SLC23A2: variants seen among roughly 807,000 people sequenced by gnomAD.
SLC23A2 encodes solute carrier family 23 member 2.
Under a neutral mutation model 73.3 loss-of-function variants are expected in SLC23A2, and 36 were observed. The ratio of observed to expected loss-of-function variants is 0.49; its 90% confidence interval spans 0.38 to 0.65. SLC23A2 has a LOEUF of 0.65. SLC23A2 is among the 30% of genes least tolerant of loss of function. The pLI is 0.00. For synonymous variants in SLC23A2, 343 were observed against 327.3 expected (o/e 1.05, Z -0.52); for missense variants, 507 against 841.6 (o/e 0.60, Z 4.92).
chr20:4,893,808 A>C (rs1181305688), intron 6 of SLC23A2, among the ~76,000 whole-genome samples: 2 of 152,102 alleles, frequency 1.3e-5, no homozygotes, highest in Non-Finnish European at 2.9e-5. Context: ...CCTACCTTTC[A>C]TTTTGCTGGA....
intron 2 of SLC23A2, among the ~76,000 whole-genome samples, chr20:4,960,322 G>C (rs2087360864): frequency 6.6e-6 from 1 of 152,140 alleles, no homozygotes; most frequent in South Asian, 2.1e-4. Flanking sequence ...AAGAAAATTG[G>C]TTCAAATACT....
intron 3 of SLC23A2, among the ~76,000 whole-genome samples, chr20:4,914,855 C>T (rs1034570366): frequency 1.3e-5 from 2 of 152,116 alleles, no homozygotes; most frequent in African/African-American, 4.8e-5. Flanking sequence ...AGCTGGCCAA[C>T]ACAGTGAAAC....
At position 4,894,296 on chromosome 20, in the gene SLC23A2, G is replaced by C. The variant is rs6139576; in HGVS notation, c.482+5259C>G. 6.0e-4 allele frequency among the ~76,000 whole-genome samples: 92 copies of C among 152,248 alleles called. No homozygotes were observed. The East Asian group carries it at 0.014, about 23-fold the overall frequency. The stretch of plus-strand genomic sequence containing the variant: ...TGCCATGAGGAAGGGCCGTGAGGAA[G>C]CTGCCTTTCCCTAAGCAAAGGCTTG... On this transcript the variant is annotated intron_variant, in intron 6 of 16. Transcript: ENST00000338244.
chr20:4,909,410 C>T (rs1222914867), intron 4 of SLC23A2, among the ~76,000 whole-genome samples: 1 of 152,112 alleles, frequency 6.6e-6, no homozygotes, highest in East Asian at 1.9e-4. Context: ...ATATAAAGAA[C>T]GTAGGGGGCA....
intron 2 of SLC23A2, among the ~76,000 whole-genome samples, chr20:4,936,823 C>A (rs1018762034): frequency 1.3e-5 from 2 of 152,166 alleles, no homozygotes; most frequent in African/African-American, 4.8e-5. Flanking sequence ...ACCACTAATG[C>A]ACTTCACCCA....
chr20:4,946,683 C>T (rs1160271272), intron 2 of SLC23A2, among the ~76,000 whole-genome samples: 1 of 152,142 alleles, frequency 6.6e-6, no homozygotes, highest in Non-Finnish European at 1.5e-5. Context: ...CTCCTGAGTC[C>T]AGCCTGAGAC....
chr20:4,951,723 T>C (rs1321885969), intron 2 of SLC23A2, among the ~76,000 whole-genome samples: 2 of 152,122 alleles, frequency 1.3e-5, no homozygotes, highest in Admixed American at 6.6e-5. Flanking sequence ...GCTTTGTGAA[T>C]AACAGTATAC....
chr20:4,907,094 A>G (rs1325895247), intron 4 of SLC23A2, among the ~76,000 whole-genome samples: 1 of 152,234 alleles, frequency 6.6e-6, no homozygotes, highest in African/African-American at 2.4e-5. Flanking sequence ...TATGGTTTGA[A>G]GAATATAAAT....
In SLC23A2 at chr20:4,862,190, A is replaced by G; in HGVS notation, c.1487-105T>C. 1 of 1,140,324 alleles carries G rather than the reference A, an allele frequency of 8.8e-7. No homozygotes were observed. Among genetic ancestry groups the G allele is most frequent in the East Asian group, 2.4e-5 (1 of 42,386 alleles). 70.6% of individuals were successfully genotyped at this position (1,140,324 alleles called of 1,614,324 possible). A position where few individuals can be genotyped will look rare whatever the true frequency, so the allele number is the denominator to read the frequency against. On this transcript the variant is annotated intron_variant, in intron 14 of 16. Coordinates refer to ENST00000338244, the MANE Select transcript of SLC23A2 (RefSeq NM_005116.6). This position sits in a 1 kb window ranked among gnomAD's most constrained non-coding sequence, Gnocchi z 5.1. Reference sequence around the variant, plus strand: ...TGGCACCCCTTCTCTGTCCAACAGAAACCAATGAGACCAGTGCAGGGACAG... The same window carrying G: ...TGGCACCCCTTCTCTGTCCAACAGAGACCAATGAGACCAGTGCAGGGACAG...
chr20:4,911,021 C>T (rs1417341666), intron 4 of SLC23A2, among the ~76,000 whole-genome samples: 3 of 152,150 alleles, frequency 2.0e-5, no homozygotes, highest in South Asian at 2.1e-4. Context: ...TTTCTAAAGA[C>T]GATCTCCAGA....
chr20:4,938,124 A>G (rs1282481954), intron 2 of SLC23A2, among the ~76,000 whole-genome samples: 1 of 147,702 alleles, frequency 6.8e-6, no homozygotes, highest in African/African-American at 2.5e-5. Context: ...TTGACTTCCC[A>G]GGCTCAGGTG....
intron 15 of SLC23A2, among the ~76,000 whole-genome samples, chr20:4,860,528 G>A (rs1166636029): frequency 6.6e-6 from 1 of 152,160 alleles, no homozygotes; most frequent in African/African-American, 2.4e-5. Context: ...CATGAGCTGT[G>A]GCATTGCTGA....
chr20:4,862,915 A>G lies in SLC23A2; in HGVS notation c.1357-8T>C. The G allele has an allele frequency of 6.2e-7, 1 of 1,604,992 alleles. No individual in the cohort carries two copies. The highest frequency in any genetic ancestry group is 8.5e-7 in the Non-Finnish European group (1 of 1,173,280). On this transcript the variant is annotated splice_region_variant and splice_polypyrimidine_tract_variant and intron_variant, in intron 13 of 16. Coordinates refer to ENST00000338244, the MANE Select transcript of SLC23A2 (RefSeq NM_005116.6). The surrounding 1 kb of genome is among the most constrained non-coding windows in gnomAD (Gnocchi z 5.1). ...CACGCGGCGGCTGCCGACCTGCAGA[A>G]CACACAGGAGACTGGGAAACAGGGA...
intron 3 of SLC23A2, among the ~76,000 whole-genome samples, chr20:4,924,868 A>G (rs1203414484): frequency 6.6e-6 from 1 of 152,142 alleles, no homozygotes; most frequent in Admixed American, 6.5e-5. Flanking sequence ...TCTATTGTGG[A>G]TTGCCTGTCT....
intron 6 of SLC23A2, among the ~76,000 whole-genome samples, chr20:4,896,387 A>G (rs1429551535): frequency 6.6e-6 from 1 of 152,156 alleles, no homozygotes; most frequent in Non-Finnish European, 1.5e-5. Flanking sequence ...CAAGGGGTGC[A>G]GGCAACACAC....
At position 4,869,897 on chromosome 20, in the gene SLC23A2, G is replaced by A; in HGVS notation, c.1250+9C>T. ...GACCAATCAGGAACTTGTCTTCTCA[G>A]GAACGTACCTGTTTATTGCGTGGAT... On this transcript the variant is annotated intron_variant, in intron 12 of 16. Transcript: ENST00000338244. The A allele has an allele frequency of 6.2e-7, 1 of 1,609,370 alleles. No homozygotes were observed. The highest frequency in any genetic ancestry group is 8.5e-7 in the Non-Finnish European group (1 of 1,177,162).
rs71197739 is a variant in SLC23A2 at position 4,986,689 on chromosome 20, C to CACACACACAG, written c.-282+14716_-282+14717insCTGTGTGTGT. Among the ~76,000 whole-genome samples, 250 of 129,936 alleles carry CACACACACAG rather than the reference C, an allele frequency of 1.9e-3. 7 individuals carry two copies. The South Asian group carries it at 0.056, about 29-fold the overall frequency. The allele number at this position is 129,936 out of a possible 152,430, so 85.2% of individuals were successfully genotyped here. ...ACACACACACACACACACACACACA[C>CACACACACAG]AGAGATGAATATAAATAGAGAGAAG... is the stretch of plus-strand genomic sequence containing the variant. On this transcript the variant is annotated intron_variant, in intron 1 of 16. Coordinates refer to ENST00000338244, the MANE Select transcript of SLC23A2 (RefSeq NM_005116.6).
chr20:4,900,191 C>T (rs758830338), intron 5 of SLC23A2, among the ~76,000 whole-genome samples: 1 of 152,218 alleles, frequency 6.6e-6, no homozygotes, highest in African/African-American at 2.4e-5. Flanking sequence ...CTTTTCATTA[C>T]ATTTTATTGT....
rs1600145877 is a variant in SLC23A2, at chr20:4,932,393, T to C, written c.108+62A>G. 3.1e-6 allele frequency: 3 copies of C among 962,528 alleles called. No individual in the cohort carries two copies. The South Asian group carries it at 3.8e-5, about 12-fold the overall frequency. 59.6% of individuals were successfully genotyped at this position (962,528 alleles called of 1,614,324 possible). A position where few individuals can be genotyped will look rare whatever the true frequency, so the allele number is the denominator to read the frequency against. On this transcript the variant is annotated intron_variant, in intron 3 of 16. Coordinates refer to ENST00000338244, the MANE Select transcript of SLC23A2 (RefSeq NM_005116.6). ...CATGAGCATTAAAGCCAATCCTATGTTGATTCCATACGGAAACTACTTTCA... is the reference window on the plus strand; with the variant it reads ...CATGAGCATTAAAGCCAATCCTATGCTGATTCCATACGGAAACTACTTTCA...
Sources: gnomAD v4.1 joint callset for allele counts (sites outside exome capture counted in the v4.1 genomes callset) on GRCh38, gnomAD v4.1.1 for gene constraint, Gnocchi (gnomAD v3.1) non-coding constraint, MANE v1.5 for transcripts, NCBI Gene and HGNC (gene_info 2026-07-23, HGNC 2026-07-21) for gene names.